Variants in EHBP1 observed in about 807,000 individuals in gnomAD.
EHBP1 encodes EH domain-binding protein 1.
Under a neutral mutation model 144.0 loss-of-function variants are expected in EHBP1, and 55 were observed. That is an observed-to-expected ratio of 0.38 (90% CI 0.31 to 0.48). EHBP1 has a LOEUF of 0.48. Ranked by LOEUF, EHBP1 falls within the 20% of genes least tolerant of loss-of-function variation. EHBP1 has a pLI of 0.98. For missense variants in EHBP1, 1,200 were observed against 1,364.2 expected, an observed-to-expected ratio of 0.88 and a Z score of 1.90; for synonymous variants, 469 against 472.7, an observed-to-expected ratio of 0.99 and a Z score of 0.10.
intron 2 of EHBP1, among the ~76,000 whole-genome samples, chr2:62,733,291 G>A (rs2037793370): frequency 6.6e-6 from 1 of 152,196 alleles, no homozygotes; most frequent in Non-Finnish European, 1.5e-5. Context: ...ATAGGTGTCA[G>A]AGGCTAAAAT....
At chr2:62,990,282 T>C (rs912242179) in intron 15 of EHBP1, among the ~76,000 whole-genome samples, 5 of 152,258 alleles carry the variant, frequency 3.3e-5, no homozygotes, top group Admixed American at 3.3e-4. Flanking sequence ...GTTAAGAATT[T>C]GTTTTAATAT....
intron 10 of EHBP1, among the ~76,000 whole-genome samples, chr2:62,905,098 T>G (rs1330385962): frequency 6.6e-6 from 1 of 152,160 alleles, no homozygotes; most frequent in Non-Finnish European, 1.5e-5. Flanking sequence ...CTAAATGGTG[T>G]CAAGGCATGA....
chr2:62,729,541 T>A (rs1286042467), intron 2 of EHBP1, among the ~76,000 whole-genome samples: 1 of 119,192 alleles, frequency 8.4e-6, no homozygotes, highest in Non-Finnish European at 1.6e-5. Context: ...ATATATAATA[T>A]ATATTATATA....
intron 19 of EHBP1, among the ~76,000 whole-genome samples, chr2:63,016,103 A>G (rs1246943017): frequency 6.6e-6 from 1 of 152,242 alleles, no homozygotes; most frequent in East Asian, 1.9e-4. Context: ...TAAAGAAACC[A>G]GAAAAAATGA....
intron 10 of EHBP1, among the ~76,000 whole-genome samples, chr2:62,925,626 A>G (rs950158834): frequency 5.3e-5 from 8 of 152,176 alleles, no homozygotes; most frequent in Admixed American, 4.6e-4. Context: ...TTTATACATG[A>G]ACAATAAAAC....
intron 8 of EHBP1, among the ~76,000 whole-genome samples, chr2:62,861,372 C>T (rs1440285715): frequency 6.6e-6 from 1 of 151,268 alleles, no homozygotes; most frequent in Admixed American, 6.6e-5. Flanking sequence ...TTGTAATCGG[C>T]CCACCTTGGC....
At chr2:62,742,398 G>A (rs2038797445) in intron 2 of EHBP1, among the ~76,000 whole-genome samples, 1 of 152,000 alleles carries the variant, frequency 6.6e-6, no homozygotes, top group Admixed American at 6.6e-5. Flanking sequence ...ATCTTTGAAA[G>A]GTCTACTTTT....
At chr2:62,935,188 G>A (rs561370856) in intron 10 of EHBP1, among the ~76,000 whole-genome samples, 9 of 151,720 alleles carry the variant, frequency 5.9e-5, no homozygotes, top group Non-Finnish European at 1.2e-4. Flanking sequence ...AATTAGCTGC[G>A]TGTGGTGGCG....
At chr2:62,860,981 A>G (rs757273952) in intron 8 of EHBP1, among the ~76,000 whole-genome samples, 19 of 151,834 alleles carry the variant, frequency 1.3e-4, no homozygotes, top group Admixed American at 2.6e-4. Flanking sequence ...TTTTATAGAA[A>G]TAATTTATCT....
rs927786182 is a variant in EHBP1 at position 62,938,934 on chromosome 2, T to C, written c.1186-3784T>C. On this transcript the variant is annotated intron_variant, in intron 10 of 22. Transcript: ENST00000431489. ...CCTGCTGATAATGCATTGGTGGTGGTAATAATAATTGCAATTAATATTTAC... is the reference window on the plus strand; with the variant it reads ...CCTGCTGATAATGCATTGGTGGTGGCAATAATAATTGCAATTAATATTTAC... Among the ~76,000 whole-genome samples the C allele has an allele frequency of 2.0e-5, 3 of 152,216 alleles. No individual in the cohort carries two copies. The South Asian group carries it at 6.2e-4, about 32-fold the overall frequency.
intron 1 of EHBP1, among the ~76,000 whole-genome samples, chr2:62,676,332 T>C (rs2033293749): frequency 6.6e-6 from 1 of 152,262 alleles, no homozygotes; most frequent in Admixed American, 6.5e-5. Context: ...TCATTTGGCT[T>C]TTAAAAGTTA....
intron 5 of EHBP1, among the ~76,000 whole-genome samples, chr2:62,804,335 C>A (rs1311714823): frequency 6.6e-6 from 1 of 152,126 alleles, no homozygotes; most frequent in Non-Finnish European, 1.5e-5. Flanking sequence ...ATAAAAGATT[C>A]CTGCACTTCT....
chr2:62,742,862 A>G (rs1014385404), intron 2 of EHBP1, among the ~76,000 whole-genome samples: 4 of 152,088 alleles, frequency 2.6e-5, no homozygotes, highest in African/African-American at 9.7e-5. Flanking sequence ...ATTAATTCCA[A>G]ACTTAAAAGT....
rs1055475768 is a variant in EHBP1, at chr2:63,013,524, C to A, written c.3103+16758C>A. The stretch of plus-strand genomic sequence containing the variant: ...AATACCCTGCTGCTTGAAACCCCCC[C>A]AAAAGACAAAGGCACAATGAAATAG... On this transcript the variant is annotated intron_variant, in intron 19 of 22. Transcript: ENST00000431489. Among the ~76,000 whole-genome samples, 4 of 152,104 alleles carry A rather than the reference C, an allele frequency of 2.6e-5. No individual in the cohort carries two copies. In the East Asian group the frequency reaches 7.7e-4, roughly 29 times the overall value.
intron 2 of EHBP1, among the ~76,000 whole-genome samples, chr2:62,716,201 C>T (rs938402093): frequency 6.6e-6 from 1 of 152,094 alleles, no homozygotes; most frequent in South Asian, 2.1e-4. Flanking sequence ...CGCCCCAACC[C>T]GGGAACTTCC....
At position 63,005,962 on chromosome 2, in the gene EHBP1, A is replaced by G. The variant is rs375144134; in HGVS notation, c.3103+9196A>G. On this transcript the variant is annotated intron_variant, in intron 19 of 22. Coordinates refer to ENST00000431489, the MANE Select transcript of EHBP1 (RefSeq NM_001142616.3). ...GGTTTTTTCATGTTTATTTTATATA[A>G]TTGAGTATAGGAGCTGAGTAGGGGT... 9.5e-4 allele frequency among the ~76,000 whole-genome samples: 144 copies of G among 152,072 alleles called. 5 individuals carry two copies. In the South Asian group the frequency reaches 0.029, roughly 31 times the overall value.
intron 9 of EHBP1, among the ~76,000 whole-genome samples, chr2:62,870,077 A>G (rs1180950614): frequency 6.6e-6 from 1 of 152,210 alleles, no homozygotes; most frequent in Non-Finnish European, 1.5e-5. Context: ...TTTCTTTAAA[A>G]ATGCAGGTTG....
intron 3 of EHBP1, among the ~76,000 whole-genome samples, chr2:62,747,875 G>A (rs1345819619): frequency 6.6e-6 from 1 of 152,020 alleles, no homozygotes; most frequent in Non-Finnish European, 1.5e-5. Context: ...AAAAGGACTT[G>A]ATAGAGGGAG....
chr2:62,891,626 A>G (rs1360416461), intron 10 of EHBP1, among the ~76,000 whole-genome samples: 1 of 152,166 alleles, frequency 6.6e-6, no homozygotes, highest in Non-Finnish European at 1.5e-5. Flanking sequence ...ACTGTGGGAC[A>G]TGTAAACGCT....
Sources: allele counts gnomAD v4.1 joint callset (sites outside exome capture counted in the v4.1 genomes callset), GRCh38; gene constraint gnomAD v4.1.1; transcripts MANE v1.5; gene names NCBI Gene and HGNC (gene_info 2026-07-23, HGNC 2026-07-21).